The following ST18 variants were observed in gnomAD, a reference collection of about 807,000 sequenced individuals.
The protein encoded by ST18 is suppression of tumorigenicity 18 protein.
ST18 carries 50 observed loss-of-function variants against 110.0 expected under a neutral mutation model. That is an observed-to-expected ratio of 0.45 (90% CI 0.36 to 0.58). ST18 has a LOEUF of 0.58. Ranked by LOEUF, ST18 falls within the 20% of genes least tolerant of loss-of-function variation. The probability of loss-of-function intolerance (pLI) is 0.00; values close to 1 mark genes in which losing one functional copy is unlikely to be tolerated. For synonymous variants in ST18, 461 were observed against 452.4 expected (o/e 1.02, Z -0.24); for missense variants, 1,306 against 1,280.1 (o/e 1.02, Z -0.31).
At chr8:52,192,640 G>A (rs1390969559) in intron 8 of ST18, among the ~76,000 whole-genome samples, 2 of 152,206 alleles carry the variant, frequency 1.3e-5, no homozygotes, top group African/African-American at 4.8e-5. Flanking sequence ...ATTACAGAAT[G>A]TGATGTCTTC....
chr8:52,289,396 G>T (rs2095519532), intron 2 of ST18, among the ~76,000 whole-genome samples: 1 of 152,072 alleles, frequency 6.6e-6, no homozygotes. Context: ...GGAAGTTGAG[G>T]CTTCAGTGAT....
At chr8:52,149,316 G>T (rs2058195729) in intron 16 of ST18, among the ~76,000 whole-genome samples, 1 of 152,230 alleles carries the variant, frequency 6.6e-6, no homozygotes, top group Admixed American at 6.5e-5. Context: ...ACCATGGAAA[G>T]AAATTTGACA....
At chr8:52,277,800 C>T (rs1194515883) in intron 2 of ST18, among the ~76,000 whole-genome samples, 2 of 152,124 alleles carry the variant, frequency 1.3e-5, no homozygotes, top group African/African-American at 4.8e-5. Context: ...GGTCTTGTTG[C>T]TGAGATGAAT....
Position 52,140,536 on chromosome 8 carries a change from T to C in ST18, c.2168+2394A>G, listed in dbSNP as rs550535777. ...GGGACCCCATCTCAAAATAAATAGA[T>C]AGATGATAGATGATAGATAGATAGA... On this transcript the variant is annotated intron_variant, in intron 17 of 25. Transcript: ENST00000689386. Among the ~76,000 whole-genome samples, 8 of 136,764 alleles carry C rather than the reference T, an allele frequency of 5.8e-5. No individual in the cohort carries two copies. The South Asian group carries it at 2.1e-3, about 36-fold the overall frequency. The allele number at this position is 136,764 out of a possible 152,430, so 89.7% of individuals were successfully genotyped here.
At chr8:52,350,934 A>T (rs1051633821) in intron 2 of ST18, among the ~76,000 whole-genome samples, 1 of 151,846 alleles carries the variant, frequency 6.6e-6, no homozygotes, top group African/African-American at 2.4e-5. Flanking sequence ...GTTAGTCAGG[A>T]TGGTCTCTAT....
intron 2 of ST18, among the ~76,000 whole-genome samples, chr8:52,262,471 C>T (rs541848199): frequency 1.3e-5 from 2 of 152,200 alleles, no homozygotes; most frequent in African/African-American, 2.4e-5. Flanking sequence ...CACAGGACGA[C>T]CTCCAAAGCC....
chr8:52,122,231 A>G (rs929614539), intron 23 of ST18, among the ~76,000 whole-genome samples: 1 of 152,124 alleles, frequency 6.6e-6, no homozygotes, highest in African/African-American at 2.4e-5. Context: ...CTTTCTTTTC[A>G]TTTAATAATT....
intron 2 of ST18, among the ~76,000 whole-genome samples, chr8:52,310,334 C>A (rs1303309914): frequency 2.0e-5 from 3 of 152,160 alleles, no homozygotes; most frequent in African/African-American, 7.2e-5. Flanking sequence ...AGTTTTTCTG[C>A]ACACCTACAC....
intron 2 of ST18, among the ~76,000 whole-genome samples, chr8:52,267,570 A>G (rs1376727235): frequency 6.6e-6 from 1 of 152,118 alleles, no homozygotes; most frequent in African/African-American, 2.4e-5. Flanking sequence ...ACAGTGCACT[A>G]AAAGTTCCAC....
In ST18 at chr8:52,268,619, T is replaced by C. The variant is rs1442214845; in HGVS notation, c.-464-38542A>G. On this transcript the variant is annotated intron_variant, in intron 2 of 25. Coordinates refer to ENST00000689386, the MANE Select transcript of ST18 (RefSeq NM_001352837.2). Reference sequence around the variant, plus strand: ...TTGCTTAGAAAGAACTTACAGCAGCTTATAGGAACTCTTGAAATGCACAGA... The same window carrying C: ...TTGCTTAGAAAGAACTTACAGCAGCCTATAGGAACTCTTGAAATGCACAGA... 3.3e-5 allele frequency among the ~76,000 whole-genome samples: 5 copies of C among 152,256 alleles called. No homozygotes were observed. The East Asian group carries it at 9.7e-4, about 29-fold the overall frequency.
chr8:52,282,981 A>G (rs2095411797), intron 2 of ST18, among the ~76,000 whole-genome samples: 1 of 152,202 alleles, frequency 6.6e-6, no homozygotes, highest in Non-Finnish European at 1.5e-5. Context: ...AGGGTACATA[A>G]GAAAACAAGA....
At chr8:52,211,487 AC>A (rs1441635153) in intron 8 of ST18, among the ~76,000 whole-genome samples, 1 of 150,814 alleles carries the variant, frequency 6.6e-6, no homozygotes, top group Non-Finnish European at 1.5e-5. Context: ...GCTCACTGCA[AC>A]CTCCGCTTCC....
intron 2 of ST18, among the ~76,000 whole-genome samples, chr8:52,308,173 T>G (rs2095844597): frequency 1.3e-5 from 2 of 152,208 alleles, no homozygotes; most frequent in African/African-American, 4.8e-5. Flanking sequence ...TTCACTCTAG[T>G]CTGCTCTCTT....
chr8:52,244,792 T>C (rs1236885671), intron 2 of ST18, among the ~76,000 whole-genome samples: 1 of 152,216 alleles, frequency 6.6e-6, no homozygotes, highest in Non-Finnish European at 1.5e-5. Flanking sequence ...CTTGTGATTA[T>C]AATTATATGC....
At chr8:52,219,367 A>T (rs927951791) in intron 5 of ST18, among the ~76,000 whole-genome samples, 2 of 152,218 alleles carry the variant, frequency 1.3e-5, no homozygotes, top group Non-Finnish European at 2.9e-5. Context: ...ATAGGAGCGA[A>T]TTCAGAAAGT....
chr8:52,299,978 C>G lies in ST18; in HGVS notation c.-464-69901G>C, dbSNP rs551988516. 9.8e-5 allele frequency among the ~76,000 whole-genome samples: 15 copies of G among 152,312 alleles called. No individual in the cohort carries two copies. In the South Asian group the frequency reaches 2.9e-3, roughly 30 times the overall value. On this transcript the variant is annotated intron_variant, in intron 2 of 25. Coordinates refer to ENST00000689386, the MANE Select transcript of ST18 (RefSeq NM_001352837.2). Reference sequence around the variant, plus strand: ...CTCTTGTGGCATCAAAACAGAAGCTCTAGACCACAGCGTTGGCAGATAACA... The same window carrying G: ...CTCTTGTGGCATCAAAACAGAAGCTGTAGACCACAGCGTTGGCAGATAACA...
intron 11 of ST18, among the ~76,000 whole-genome samples, chr8:52,165,778 G>A (rs1394233844): frequency 6.6e-6 from 1 of 152,212 alleles, no homozygotes; most frequent in Non-Finnish European, 1.5e-5. Context: ...GAGCTGATTA[G>A]ACTTAGTGAC....
At chr8:52,189,869 ATTGGTGCAGATACATATTGGCTTC>A (rs2073895084) in intron 8 of ST18, among the ~76,000 whole-genome samples, 1 of 152,232 alleles carries the variant, frequency 6.6e-6, no homozygotes, top group South Asian at 2.1e-4. Context: ...TGCATGTATA[ATTGGTGCAGATACATATTGGCTTC>A]TTGGCTAGTG....
At chr8:52,336,679 G>A (rs570099610) in intron 2 of ST18, among the ~76,000 whole-genome samples, 39 of 152,330 alleles carry the variant, frequency 2.6e-4, no homozygotes, top group African/African-American at 9.1e-4. Context: ...GAAGCGGGTA[G>A]ACCTAGTGAC....
Sources: allele counts gnomAD v4.1 joint callset (sites outside exome capture counted in the v4.1 genomes callset), GRCh38; gene constraint gnomAD v4.1.1; transcripts MANE v1.5; gene names NCBI Gene and HGNC (gene_info 2026-07-23, HGNC 2026-07-21).